Variants in PARVA observed in about 807,000 individuals in gnomAD.
The protein encoded by PARVA is parvin alpha.
Under a neutral mutation model 52.6 loss-of-function variants are expected in PARVA, and 25 were observed. That is an observed-to-expected ratio of 0.48 (90% confidence interval 0.35 to 0.66). PARVA has a LOEUF of 0.66. Among genes scored for constraint, PARVA ranks in the 30% least tolerant of loss-of-function variants. PARVA has a pLI of 0.01. For missense variants in PARVA, 373 were observed against 450.9 expected, an observed-to-expected ratio of 0.83 and a Z score of 1.56; for synonymous variants, 185 against 179.1, an observed-to-expected ratio of 1.03 and a Z score of -0.26.
In PARVA at chr11:12,382,194, C is replaced by T. The variant is rs569173860; in HGVS notation, c.136+4411C>T. Reference sequence around the variant, plus strand: ...TCATTTCGTGCAGTGAGGATTTAATCTTTACGTTTACATTTCTCTCATCTG... The same window carrying T: ...TCATTTCGTGCAGTGAGGATTTAATTTTTACGTTTACATTTCTCTCATCTG... On this transcript the variant is annotated intron_variant, in intron 1 of 12. Transcript: ENST00000334956. Among the ~76,000 whole-genome samples the T allele has an allele frequency of 2.6e-5, 4 of 152,268 alleles. No individual in the cohort carries two copies. In the South Asian group the frequency reaches 8.3e-4, roughly 32 times the overall value.
intron 1 of PARVA, among the ~76,000 whole-genome samples, chr11:12,398,054 C>A (rs2134961965): frequency 6.6e-6 from 1 of 152,264 alleles, no homozygotes; most frequent in African/African-American, 2.4e-5. Context: ...CTTCCCTCTG[C>A]TTCCAGTCCA....
intron 1 of PARVA, among the ~76,000 whole-genome samples, chr11:12,397,134 C>G (rs76157204): frequency 0.089 from 13,519 of 152,194 alleles, 733 homozygotes; most frequent in African/African-American, 0.14. Flanking sequence ...GGATGTGCCA[C>G]TCAATGCATA....
intron 4 of PARVA, among the ~76,000 whole-genome samples, chr11:12,490,215 CAAA>C (rs34941352): frequency 1.5e-4 from 16 of 107,684 alleles, no homozygotes; most frequent in Admixed American, 1.9e-4. Flanking sequence ...GACTCAGTCT[CAAA>C]AAAAAAAAAA....
At chr11:12,526,363 T>C (rs1941701406) in intron 12 of PARVA, among the ~76,000 whole-genome samples, 1 of 152,182 alleles carries the variant, frequency 6.6e-6, no homozygotes, top group African/African-American at 2.4e-5. Flanking sequence ...ACCCCTTCTT[T>C]CCCAGTGGCT....
chr11:12,389,466 C>T (rs761265173), intron 1 of PARVA, among the ~76,000 whole-genome samples: 1 of 152,188 alleles, frequency 6.6e-6, no homozygotes, highest in Non-Finnish European at 1.5e-5. Flanking sequence ...CCCCACCTCC[C>T]AGCTTCTGAG....
At chr11:12,497,810 T>C (rs1403459854) in intron 5 of PARVA, among the ~76,000 whole-genome samples, 2 of 152,156 alleles carry the variant, frequency 1.3e-5, no homozygotes, top group African/African-American at 2.4e-5. Flanking sequence ...GGTTGATGAC[T>C]AGTTTGGGAA....
At chr11:12,508,809 C>T (rs1052206178) in intron 7 of PARVA, among the ~76,000 whole-genome samples, 167 bp downstream of exon 7, 1 of 152,158 alleles carries the variant, frequency 6.6e-6, no homozygotes, top group Non-Finnish European at 1.5e-5. Flanking sequence ...AAACATGCCT[C>T]TCAATGCTTA....
At position 12,473,815 on chromosome 11, in the gene PARVA, C is replaced by A. The variant is rs1940966040; in HGVS notation, c.207C>A (p.Asp69Glu). 6.4e-7 allele frequency: 1 copy of A among 1,571,386 alleles called. No homozygotes were observed. Among genetic ancestry groups the A allele is most frequent in the Non-Finnish European group, 8.6e-7 (1 of 1,157,290 alleles). ...LPLSPIPFELDPEDTMLEENE... is the reference protein window; with the variant it reads ...LPLSPIPFELEPEDTMLEENE... The stretch of plus-strand genomic sequence containing the variant: ...TCAGCCCAATTCCCTTTGAGCTGGA[C>A]CCCGAGGACACGATGCTGGGTAACT... The change falls in exon 2 of 13, where the codon GAC becomes GAA. Residue 69 changes from aspartate (D) to glutamate (E), a missense_variant. Transcript: ENST00000334956.
intron 12 of PARVA, among the ~76,000 whole-genome samples, chr11:12,519,107 C>T (rs541051327): frequency 6.6e-6 from 1 of 152,204 alleles, no homozygotes; most frequent in Non-Finnish European, 1.5e-5. Flanking sequence ...AGTCTTGGTA[C>T]GGATGATTGC....
intron 1 of PARVA, among the ~76,000 whole-genome samples, chr11:12,456,594 A>G (rs923134473): frequency 9.9e-5 from 15 of 151,986 alleles, no homozygotes; most frequent in African/African-American, 3.6e-4. Context: ...TTAACTCTCT[A>G]AGGGCACTCC....
intron 4 of PARVA, among the ~76,000 whole-genome samples, chr11:12,494,559 A>G (rs1451437078): frequency 6.6e-6 from 1 of 152,172 alleles, no homozygotes; most frequent in Non-Finnish European, 1.5e-5. Context: ...AGATGCCACT[A>G]TCATCTTTCA....
At chr11:12,455,163 G>C (rs1940678260) in intron 1 of PARVA, among the ~76,000 whole-genome samples, 1 of 152,188 alleles carries the variant, frequency 6.6e-6, no homozygotes, top group Admixed American at 6.5e-5. Context: ...TGTCTCTTCA[G>C]GGAAGATGGG....
In PARVA at chr11:12,532,294, C is replaced by T. The variant is rs1312987527; in HGVS notation, c.*4369C>T. Among the ~76,000 whole-genome samples the T allele has an allele frequency of 6.6e-6, 1 of 152,082 alleles. No individual in the cohort carries two copies. The highest frequency in any genetic ancestry group is 1.5e-5 in the Non-Finnish European group (1 of 68,006). On this transcript the variant is annotated 3_prime_UTR_variant, in exon 13 of 13. Coordinates refer to ENST00000334956, the MANE Select transcript of PARVA (RefSeq NM_018222.5). ...GTCACGTTTAAATATGTTTAGGAAA[C>T]ATGAGGTGAAGAAAGTTAGCTTACT...
intron 1 of PARVA, among the ~76,000 whole-genome samples, chr11:12,378,250 A>C (rs1939433821): frequency 6.6e-6 from 1 of 152,200 alleles, no homozygotes; most frequent in Non-Finnish European, 1.5e-5. Context: ...ATTGGTCCTT[A>C]AAATCAGGTC....
At chr11:12,394,419 A>G (rs1939705196) in intron 1 of PARVA, among the ~76,000 whole-genome samples, 1 of 152,224 alleles carries the variant, frequency 6.6e-6, no homozygotes, top group South Asian at 2.1e-4. Flanking sequence ...ATATTAAGGA[A>G]TCATTGTTAG....
rs532960358 is a variant in PARVA, at chr11:12,531,739, G to T, written c.*3814G>T. ...ATCTTCACTAATTCCAAGATTGCGT[G>T]TCATTTCCCCCAAAAATTTGCTTAA... is the stretch of plus-strand genomic sequence containing the variant. On this transcript the variant is annotated 3_prime_UTR_variant, in exon 13 of 13. Transcript: ENST00000334956. Among the ~76,000 whole-genome samples the T allele has an allele frequency of 2.6e-5, 4 of 151,792 alleles. No individual in the cohort carries two copies. The highest frequency in any genetic ancestry group is 9.7e-5 in the African/African-American group (4 of 41,370).
intron 4 of PARVA, among the ~76,000 whole-genome samples, chr11:12,486,188 C>A (rs566932397): frequency 2.0e-5 from 3 of 152,162 alleles, no homozygotes; most frequent in Non-Finnish European, 4.4e-5. Context: ...ATTGTCTGTA[C>A]TGTTTGTAAC....
chr11:12,380,154 T>C (rs1401896172), intron 1 of PARVA, among the ~76,000 whole-genome samples: 1 of 152,156 alleles, frequency 6.6e-6, no homozygotes, highest in Admixed American at 6.5e-5. Flanking sequence ...TTGCATCCTG[T>C]CTCTTTAGTT....
chr11:12,385,605 ACTAT>A (rs949104610), intron 1 of PARVA, among the ~76,000 whole-genome samples: 8 of 152,292 alleles, frequency 5.3e-5, no homozygotes, highest in Admixed American at 6.5e-5. Context: ...CCAAATAGTA[ACTAT>A]CTAAGGCTTT....
Sources: allele counts gnomAD v4.1 joint callset (sites outside exome capture counted in the v4.1 genomes callset), GRCh38; gene constraint gnomAD v4.1.1; transcripts MANE v1.5; gene names NCBI Gene and HGNC (gene_info 2026-07-23, HGNC 2026-07-21).